Variants in ERG observed in about 807,000 individuals in gnomAD.
The protein encoded by ERG is ETS transcription factor ERG, also known as transcriptional regulator ERG.
In ERG, 9 loss-of-function variants were observed where a neutral mutation model predicts 55.3. The ratio of observed to expected loss-of-function variants is 0.16; its 90% CI spans 0.10 to 0.28. The LOEUF is 0.28. Among genes scored for constraint, ERG ranks in the 10% least tolerant of loss-of-function variants. ERG has a pLI of 1.00. For missense variants in ERG, 434 were observed against 631.6 expected, an observed-to-expected ratio of 0.69 and a Z score of 3.35; for synonymous variants, 223 against 237.3, an observed-to-expected ratio of 0.94 and a Z score of 0.55.
At chr21:38,590,211 A>G (rs1432715039) in intron 1 of ERG, among the ~76,000 whole-genome samples, 1 of 152,170 alleles carries the variant, frequency 6.6e-6, no homozygotes, top group African/African-American at 2.4e-5. Flanking sequence ...GAGAGGTTAT[A>G]CTTTAAATTA....
At chr21:38,442,894 G>A (rs563871707) in intron 2 of ERG, among the ~76,000 whole-genome samples, 5 of 152,122 alleles carry the variant, frequency 3.3e-5, no homozygotes, top group East Asian at 1.9e-4. Context: ...TGCAAGCTCC[G>A]CCTCCCGGGT....
intron 6 of ERG, among the ~76,000 whole-genome samples, chr21:38,396,924 T>A (rs892757306): frequency 6.6e-6 from 1 of 151,810 alleles, no homozygotes; most frequent in Non-Finnish European, 1.5e-5. Flanking sequence ...ATAAAATATA[T>A]ATATATTTAA....
intron 6 of ERG, among the ~76,000 whole-genome samples, chr21:38,395,175 G>A (rs941618740): frequency 2.6e-5 from 4 of 152,138 alleles, no homozygotes; most frequent in African/African-American, 9.7e-5. Flanking sequence ...TGACATTCTG[G>A]TCCAATGCTT....
intron 1 of ERG, among the ~76,000 whole-genome samples, chr21:38,468,794 G>C (rs561042763): frequency 2.0e-5 from 3 of 151,994 alleles, no homozygotes; most frequent in African/African-American, 7.2e-5. Context: ...GACTATCTTG[G>C]CTAACACGGT....
chr21:38,381,347 G>C lies in ERG; in HGVS notation c.*2056C>G. On this transcript the variant is annotated 3_prime_UTR_variant, in exon 10 of 10. Transcript: ENST00000288319. ...GTTGCCTTCACCTGGACCAAGGTTG[G>C]CAGCATTTGTGATTCAAAGAAAAGA... is the stretch of plus-strand genomic sequence containing the variant. The C allele has an allele frequency of 9.4e-7, 1 of 1,063,952 alleles. No homozygotes were observed. The highest frequency in any genetic ancestry group is 1.1e-6 in the Non-Finnish European group (1 of 878,462). 65.9% of individuals were successfully genotyped at this position (1,063,952 alleles called of 1,614,324 possible). A position where few individuals can be genotyped will look rare whatever the true frequency, so the allele number is the denominator to read the frequency against.
At chr21:38,648,923 C>T (rs759386749) in intron 1 of ERG, among the ~76,000 whole-genome samples, 8 of 152,206 alleles carry the variant, frequency 5.3e-5, no homozygotes, top group East Asian at 3.9e-4. Context: ...TAAGGAAGGA[C>T]GTGCCCAGGA....
chr21:38,468,572 G>T (rs769422904), intron 1 of ERG, among the ~76,000 whole-genome samples: 2 of 152,126 alleles, frequency 1.3e-5, no homozygotes, highest in African/African-American at 4.8e-5. Context: ...GCAGAGGAAA[G>T]AATTGAACAT....
intron 2 of ERG, among the ~76,000 whole-genome samples, chr21:38,527,143 C>T (rs574569816): frequency 1.4e-4 from 21 of 152,190 alleles, no homozygotes; most frequent in Non-Finnish European, 2.8e-4. Context: ...TCAGGCACTG[C>T]AAACATGGCC....
At chr21:38,618,269 A>G (rs1233678412) in intron 1 of ERG, among the ~76,000 whole-genome samples, 1 of 144,740 alleles carries the variant, frequency 6.9e-6, no homozygotes, top group East Asian at 2.1e-4. Context: ...GAAACAGGGC[A>G]GATGATCATC....
intron 2 of ERG, among the ~76,000 whole-genome samples, chr21:38,526,764 G>A (rs2059633004): frequency 6.6e-6 from 1 of 151,970 alleles, no homozygotes; most frequent in Non-Finnish European, 1.5e-5. Context: ...CTGGATTAAC[G>A]TTATAATAAA....
rs552482419 is a variant in ERG, at chr21:38,604,325, T to A, written c.-149-19380A>T. Reference sequence around the variant, plus strand: ...CCATTCTAAAATGTCTACAAAATTATGAGAATTTTATTATATACATGAAAA... The same window carrying A: ...CCATTCTAAAATGTCTACAAAATTAAGAGAATTTTATTATATACATGAAAA... On this transcript the variant is annotated intron_variant, in intron 1 of 10. Transcript: ENST00000398910. Among the ~76,000 whole-genome samples, 7 of 151,694 alleles carry A rather than the reference T, an allele frequency of 4.6e-5. No individual in the cohort carries two copies. In the East Asian group the frequency reaches 1.4e-3, roughly 29 times the overall value.
chr21:38,401,127 C>G (rs942297058), intron 5 of ERG, among the ~76,000 whole-genome samples: 2 of 152,174 alleles, frequency 1.3e-5, no homozygotes, highest in South Asian at 4.1e-4. Flanking sequence ...TTTTCCCTCT[C>G]TCTCTTTTGA....
upstream of ERG, among the ~76,000 whole-genome samples, chr21:38,586,758 T>C (rs763188450): frequency 1.3e-5 from 2 of 152,236 alleles, no homozygotes; most frequent in Non-Finnish European, 2.9e-5. Context: ...AAATACTACA[T>C]GATTGCTGGC....
intron 1 of ERG, among the ~76,000 whole-genome samples, chr21:38,653,966 C>T (rs2060503246): frequency 1.3e-5 from 2 of 152,174 alleles, no homozygotes; most frequent in Non-Finnish European, 2.9e-5. Context: ...AATGTACAAA[C>T]AAATACAGCC....
rs535260961 is a variant in ERG, at chr21:38,597,356, C to A, written c.-149-12411G>T. On this transcript the variant is annotated intron_variant, in intron 1 of 10. Transcript: ENST00000398910. Reference sequence around the variant, plus strand: ...CATACATAGATATCTCATTTTATCTCTATATCTATATACATATAAACACAC... The same window carrying A: ...CATACATAGATATCTCATTTTATCTATATATCTATATACATATAAACACAC... Among the ~76,000 whole-genome samples, 3 of 152,128 alleles carry A rather than the reference C, an allele frequency of 2.0e-5. No individual in the cohort carries two copies. In the East Asian group the frequency reaches 5.8e-4, roughly 29 times the overall value.
intron 3 of ERG, 127 bp from the exon 4 acceptor site, chr21:38,403,836 C>T: frequency 1.2e-6 from 1 of 826,668 alleles, no homozygotes; most frequent in Non-Finnish European, 2.0e-6. Context: ...GCCAGCCTCC[C>T]TGGCTACCCA....
At chr21:38,426,696 C>T (rs1051496253) in intron 2 of ERG, among the ~76,000 whole-genome samples, 8 of 151,430 alleles carry the variant, frequency 5.3e-5, no homozygotes, top group Non-Finnish European at 1.0e-4. Flanking sequence ...TTTGGGAGGC[C>T]GAGCTGGGCG....
intron 1 of ERG, among the ~76,000 whole-genome samples, chr21:38,488,438 A>AT (rs528287878): frequency 1.3e-4 from 20 of 150,786 alleles, no homozygotes; most frequent in East Asian, 1.9e-4. Context: ...GACTTGATCT[A>AT]TTTTTTTTTC....
chr21:38,525,730 T>G (rs2059625754), intron 2 of ERG, among the ~76,000 whole-genome samples: 1 of 152,142 alleles, frequency 6.6e-6, no homozygotes, highest in African/African-American at 2.4e-5. Context: ...TCTAGACATC[T>G]CCTGCCAAGT....
Sources: gnomAD v4.1 joint callset for allele counts (sites outside exome capture counted in the v4.1 genomes callset) on GRCh38, gnomAD v4.1.1 for gene constraint, MANE v1.5 for transcripts, NCBI Gene and HGNC (gene_info 2026-07-23, HGNC 2026-07-21) for gene names.